Variants in PROS1 observed in about 807,000 individuals in gnomAD.
PROS1 encodes the protein protein S.
A neutral mutation model predicts 75.9 loss-of-function variants in PROS1; 29 were observed. The observed-to-expected ratio is 0.38, with a 90% confidence interval of 0.28 to 0.52. The LOEUF is 0.52. Ranked by LOEUF, PROS1 falls within the 20% of genes least tolerant of loss-of-function variation. The pLI is 0.83. For missense variants in PROS1, 680 were observed against 810.3 expected (o/e 0.84, Z 1.95); for synonymous variants, 245 against 280.6 (o/e 0.87, Z 1.27).
rs541921665 is a variant in PROS1 at position 93,965,246 on chromosome 3, C to T, written c.76+8428G>A. Among the ~76,000 whole-genome samples the T allele has an allele frequency of 1.4e-4, 21 of 152,236 alleles. 1 individual carries two copies. Among genetic ancestry groups the T allele is most frequent in the South Asian group, 4.1e-4 (2 of 4,830 alleles). On this transcript the variant is annotated intron_variant, in intron 1 of 14. Transcript: ENST00000394236. ...GCCCTCTTCTGGTCTGTGTTTGTTA[C>T]GGCTCAAGCTGAGCTTTTGCTCGCC...
intron 10 of PROS1, among the ~76,000 whole-genome samples, chr3:93,891,213 C>T (rs1708426891): frequency 6.6e-6 from 1 of 152,138 alleles, no homozygotes; most frequent in Non-Finnish European, 1.5e-5. Context: ...CTCTTTTGTG[C>T]ACCACATTCT....
intron 3 of PROS1, among the ~76,000 whole-genome samples, chr3:93,918,233 C>G (rs137940488): frequency 0.024 from 3,584 of 152,206 alleles, 66 homozygotes; most frequent in Non-Finnish European, 0.04. Flanking sequence ...CGTGGAGAAA[C>G]TTTGTGTCTA....
At chr3:93,901,036 G>C in intron 6 of PROS1, 107 bp from the exon 7 acceptor site, 1 of 1,286,768 alleles carries the variant, frequency 7.8e-7, no homozygotes, top group Non-Finnish European at 1.1e-6. Flanking sequence ...TATGTAATGA[G>C]ATAACAGATT....
intron 4 of PROS1, among the ~76,000 whole-genome samples, chr3:93,908,054 G>A (rs952755597): frequency 6.6e-6 from 1 of 152,072 alleles, no homozygotes; most frequent in Admixed American, 6.6e-5. Context: ...AGTCTAAAGT[G>A]CAAGAATTGC....
At chr3:93,964,422 G>A (rs534043877) in intron 1 of PROS1, among the ~76,000 whole-genome samples, 60 of 152,218 alleles carry the variant, frequency 3.9e-4, no homozygotes, top group Admixed American at 3.2e-3. Context: ...CTCTGGGAAC[G>A]TCTGTCCTAT....
intron 1 of PROS1, among the ~76,000 whole-genome samples, chr3:93,943,176 C>G (rs1293159872): frequency 6.6e-6 from 1 of 152,146 alleles, no homozygotes; most frequent in Non-Finnish European, 1.5e-5. Flanking sequence ...CAACCTCAAT[C>G]TTTAGGAAAG....
At chr3:93,957,492 C>A (rs1323869862) in intron 1 of PROS1, among the ~76,000 whole-genome samples, 4 of 152,054 alleles carry the variant, frequency 2.6e-5, no homozygotes, top group African/African-American at 7.2e-5. Flanking sequence ...TACAATGAGA[C>A]CCAAAGGTCT....
At chr3:93,884,549 A>AT (rs888101461) in intron 12 of PROS1, among the ~76,000 whole-genome samples, 179 bp downstream of exon 12, 19 of 152,186 alleles carry the variant, frequency 1.2e-4, no homozygotes, top group African/African-American at 4.3e-4. Context: ...ATGCCTTTAT[A>AT]TTTTTCCCAA....
intron 1 of PROS1, among the ~76,000 whole-genome samples, chr3:93,963,949 G>A (rs185089961): frequency 2.6e-4 from 40 of 152,184 alleles, no homozygotes; most frequent in Admixed American, 1.0e-3. Flanking sequence ...TGGAGGGACC[G>A]GCTGGAGCCA....
rs1708137671 is a variant in PROS1 at position 93,873,450 on chromosome 3, A to AC, written c.*794dup. ...AAGTTGGATTCAAGGAAAACTATGAACTCCCACATTTGTTCATTCTCCTTT... is the reference window on the plus strand; with the variant it reads ...AAGTTGGATTCAAGGAAAACTATGAACCTCCCACATTTGTTCATTCTCCTTT... On this transcript the variant is annotated 3_prime_UTR_variant, in exon 15 of 15. Transcript: ENST00000394236. 6.6e-6 allele frequency: 1 copy of AC among 151,568 alleles called. No individual in the cohort carries two copies. Among genetic ancestry groups the AC allele is most frequent in the African/African-American group, 2.4e-5 (1 of 41,210 alleles). The allele number at this position is 151,568 out of a possible 1,614,324, so 9.4% of individuals were successfully genotyped here.
intron 1 of PROS1, among the ~76,000 whole-genome samples, chr3:93,939,326 C>T (rs1041838936): frequency 4.1e-4 from 63 of 152,180 alleles, no homozygotes; most frequent in African/African-American, 1.5e-3. Context: ...AATCTTCCTT[C>T]TTTCCCTCTC....
At chr3:93,940,054 C>A (rs1236191590) in intron 1 of PROS1, among the ~76,000 whole-genome samples, 1 of 152,270 alleles carries the variant, frequency 6.6e-6, no homozygotes, top group African/African-American at 2.4e-5. Context: ...CTTTCAGGAC[C>A]TCCTCCCCCA....
At chr3:93,938,844 C>A (rs1350251685) in intron 1 of PROS1, among the ~76,000 whole-genome samples, 2 of 152,084 alleles carry the variant, frequency 1.3e-5, no homozygotes, top group Non-Finnish European at 2.9e-5. Flanking sequence ...GCCTGATCAC[C>A]ATGGGGATGC....
chr3:93,928,624 G>C, intron 1 of PROS1: 2 of 508,076 alleles, frequency 3.9e-6, no homozygotes, highest in Non-Finnish European at 6.7e-6. Flanking sequence ...TCTCTGTGGA[G>C]ATTGTTGTTG....
intron 10 of PROS1, among the ~76,000 whole-genome samples, chr3:93,888,881 C>T (rs1708387733): frequency 6.6e-6 from 1 of 152,076 alleles, no homozygotes; most frequent in Non-Finnish European, 1.5e-5. Context: ...CCATCCAGGG[C>T]CTTTCAATTT....
chr3:93,917,691 G>A (rs889138796), intron 3 of PROS1, among the ~76,000 whole-genome samples: 69 of 152,272 alleles, frequency 4.5e-4, no homozygotes, highest in African/African-American at 1.4e-3. Context: ...GCAGCCGGCC[G>A]GCCCTGCCAG....
intron 3 of PROS1, chr3:93,910,987 G>T: frequency 2.6e-6 from 1 of 386,690 alleles, no homozygotes; most frequent in Non-Finnish European, 4.8e-6. Context: ...CCTTGATTTA[G>T]CATAGAAATT....
intron 1 of PROS1, among the ~76,000 whole-genome samples, chr3:93,947,905 C>G (rs930385866): frequency 1.3e-5 from 2 of 152,128 alleles, no homozygotes; most frequent in Non-Finnish European, 2.9e-5. Flanking sequence ...ACTCTCCCCC[C>G]TTACCTTGGC....
intron 10 of PROS1, 108 bp downstream of exon 10, chr3:93,892,825 T>C (rs1708452116): frequency 2.0e-6 from 2 of 998,430 alleles, no homozygotes; most frequent in Non-Finnish European, 3.2e-6. Context: ...TCATATAGCA[T>C]CAGATAACTC....
Sources: allele counts gnomAD v4.1 joint callset (sites outside exome capture counted in the v4.1 genomes callset), GRCh38; gene constraint gnomAD v4.1.1; transcripts MANE v1.5; gene names NCBI Gene and HGNC (gene_info 2026-07-23, HGNC 2026-07-21).